Variants in MARCHF1 observed in about 807,000 individuals in gnomAD.
The protein encoded by MARCHF1 is E3 ubiquitin-protein ligase MARCHF1.
In MARCHF1, 40 loss-of-function variants were observed where a neutral mutation model predicts 54.2. The ratio of observed to expected loss-of-function variants is 0.74; its 90% CI spans 0.57 to 0.96. The LOEUF is 0.96. Ranked by LOEUF, MARCHF1 falls within the 40% of genes least tolerant of loss-of-function variation. MARCHF1 has a pLI of 0.00. For synonymous variants in MARCHF1, 236 were observed against 236.3 expected (o/e 1.00, Z 0.01); for missense variants, 586 against 656.5 (o/e 0.89, Z 1.17).
chr4:164,315,836 A>G (rs1298582032), intron 1 of MARCHF1, among the ~76,000 whole-genome samples: 2 of 152,216 alleles, frequency 1.3e-5, no homozygotes, highest in African/African-American at 4.8e-5. Flanking sequence ...AATATAAGAT[A>G]TCAAAAGAAT....
At chr4:164,270,107 T>C (rs1423849187) in intron 1 of MARCHF1, among the ~76,000 whole-genome samples, 1 of 152,174 alleles carries the variant, frequency 6.6e-6, no homozygotes, top group Non-Finnish European at 1.5e-5. Context: ...GATGCCCAAG[T>C]GCTGGTCTGG....
intron 1 of MARCHF1, among the ~76,000 whole-genome samples, chr4:164,303,665 C>A (rs1734621435): frequency 6.6e-6 from 1 of 152,172 alleles, no homozygotes; most frequent in South Asian, 2.1e-4. Context: ...ATTAACTAGT[C>A]ATATAGCTCA....
rs894164316 is a variant in MARCHF1 at position 163,528,326 on chromosome 4, T to C, written c.*422A>G. On this transcript the variant is annotated 3_prime_UTR_variant, in exon 10 of 10. Coordinates refer to ENST00000514618, the MANE Select transcript of MARCHF1 (RefSeq NM_001394959.1). ...TCAGGCTTAAAACCAAATATGTTAG[T>C]TATTTCCAGATGAGACAGTTAACAT... The C allele has an allele frequency of 5.3e-5, 2 of 38,024 alleles. No individual in the cohort carries two copies. Among genetic ancestry groups the C allele is most frequent in the African/African-American group, 1.4e-4 (2 of 13,962 alleles). The allele number at this position is 38,024 out of a possible 1,614,324, so 2.4% of individuals were successfully genotyped here. A position where few individuals can be genotyped will look rare whatever the true frequency, so the allele number is the denominator to read the frequency against.
intron 5 of MARCHF1, among the ~76,000 whole-genome samples, chr4:163,695,135 T>A (rs971958923): frequency 2.0e-5 from 3 of 152,176 alleles, no homozygotes; most frequent in Admixed American, 6.6e-5. Context: ...AAACACCTGT[T>A]CAGAGGTGCA....
chr4:163,953,428 A>G (rs1464315546), intron 3 of MARCHF1, among the ~76,000 whole-genome samples: 2 of 152,178 alleles, frequency 1.3e-5, no homozygotes, highest in African/African-American at 4.8e-5. Flanking sequence ...AACAAGATGA[A>G]ATATATAAAA....
chr4:164,295,571 G>A (rs1734390642), intron 1 of MARCHF1, among the ~76,000 whole-genome samples: 1 of 152,130 alleles, frequency 6.6e-6, no homozygotes, highest in African/African-American at 2.4e-5. Context: ...ACTGAAGTAA[G>A]TTTAATGTGG....
At chr4:164,157,489 C>A (rs1049502267) in intron 1 of MARCHF1, among the ~76,000 whole-genome samples, 1 of 152,256 alleles carries the variant, frequency 6.6e-6, no homozygotes, top group Admixed American at 6.5e-5. Flanking sequence ...CCTAGGGCTA[C>A]AATAACAAAA....
At chr4:163,875,344 A>G (rs1188366945) in intron 3 of MARCHF1, among the ~76,000 whole-genome samples, 1 of 152,178 alleles carries the variant, frequency 6.6e-6, no homozygotes, top group East Asian at 1.9e-4. Flanking sequence ...CCAAAAGGTC[A>G]TCGATGTGAA....
At chr4:164,129,518 A>G (rs1756256741) in intron 1 of MARCHF1, among the ~76,000 whole-genome samples, 1 of 152,160 alleles carries the variant, frequency 6.6e-6, no homozygotes, top group Non-Finnish European at 1.5e-5. Context: ...AGAATAAATT[A>G]TCAAAAGGGA....
Position 163,527,664 on chromosome 4 carries a change from C to CTGT in MARCHF1, c.*1081_*1083dup, listed in dbSNP as rs1553988763. ...CTTTGAAATAAAAGAATGAATTAAACTGTTTTGAAATACTCAACAACTGTT... is the reference window on the plus strand; with the variant it reads ...CTTTGAAATAAAAGAATGAATTAAACTGTTGTTTTGAAATACTCAACAACTGTT... On this transcript the variant is annotated 3_prime_UTR_variant, in exon 10 of 10. Coordinates refer to ENST00000514618, the MANE Select transcript of MARCHF1 (RefSeq NM_001394959.1). The CTGT allele has an allele frequency of 1.3e-5, 2 of 151,892 alleles. No individual in the cohort carries two copies. The highest frequency in any genetic ancestry group is 4.8e-5 in the African/African-American group (2 of 41,376). 9.4% of individuals were successfully genotyped at this position (151,892 alleles called of 1,614,324 possible).
intron 4 of MARCHF1, among the ~76,000 whole-genome samples, chr4:163,815,887 C>T (rs1218058027): frequency 6.6e-6 from 1 of 152,080 alleles, no homozygotes; most frequent in East Asian, 1.9e-4. Context: ...ATAAAAATAG[C>T]ATACATCTTT....
At chr4:164,213,486 C>CG (rs1735870825) in intron 1 of MARCHF1, among the ~76,000 whole-genome samples, 1 of 151,776 alleles carries the variant, frequency 6.6e-6, no homozygotes, top group Non-Finnish European at 1.5e-5. Flanking sequence ...TCGCCTGCCT[C>CG]GGCCTCCCAA....
chr4:164,345,308 T>G (rs1357017166), intron 1 of MARCHF1, among the ~76,000 whole-genome samples: 1 of 152,080 alleles, frequency 6.6e-6, no homozygotes, highest in African/African-American at 2.4e-5. Flanking sequence ...GGTTCAGGCC[T>G]GTAATCCTTG....
intron 1 of MARCHF1, among the ~76,000 whole-genome samples, chr4:164,243,146 C>T (rs1426147853): frequency 1.6e-5 from 2 of 126,614 alleles, no homozygotes; most frequent in African/African-American, 3.1e-5. Context: ...AGATACTCCT[C>T]GAGAAGAGCA....
intron 1 of MARCHF1, among the ~76,000 whole-genome samples, chr4:164,152,073 A>G (rs1231710119): frequency 6.6e-6 from 1 of 152,166 alleles, no homozygotes; most frequent in Non-Finnish European, 1.5e-5. Flanking sequence ...TAAGAATGAT[A>G]AAATCCTTGC....
At chr4:164,216,998 A>C (rs1002503075) in intron 1 of MARCHF1, among the ~76,000 whole-genome samples, 5 of 152,218 alleles carry the variant, frequency 3.3e-5, no homozygotes, top group Admixed American at 1.3e-4. Flanking sequence ...CATGAAAACA[A>C]ATATAGCTGG....
intron 1 of MARCHF1, among the ~76,000 whole-genome samples, chr4:164,273,044 TAGTA>T (rs1478051572): frequency 6.6e-6 from 1 of 152,008 alleles, no homozygotes; most frequent in Non-Finnish European, 1.5e-5. Flanking sequence ...GCTCCTATGT[TAGTA>T]AGATAATTTT....
At chr4:164,109,156 T>G (rs566519548) in intron 2 of MARCHF1, among the ~76,000 whole-genome samples, 14 of 152,170 alleles carry the variant, frequency 9.2e-5, no homozygotes, top group Admixed American at 4.6e-4. Flanking sequence ...TTGATTGAAG[T>G]GATAAAGCTA....
chr4:164,128,507 T>C (rs111989397), intron 1 of MARCHF1, among the ~76,000 whole-genome samples: 1,540 of 150,312 alleles, frequency 0.01, 30 homozygotes, highest in East Asian at 0.082. Context: ...CAAATGACCC[T>C]TATACTTATG....
Sources: allele counts gnomAD v4.1 joint callset (sites outside exome capture counted in the v4.1 genomes callset), GRCh38; gene constraint gnomAD v4.1.1; transcripts MANE v1.5; gene names NCBI Gene and HGNC (gene_info 2026-07-23, HGNC 2026-07-21).